The following CACNA1C variants were observed in gnomAD, a reference collection of about 807,000 sequenced individuals.
The protein encoded by CACNA1C is calcium voltage-gated channel subunit alpha1 C, also known as voltage-dependent L-type calcium channel subunit alpha-1C.
In CACNA1C, 30 loss-of-function variants were observed where a neutral mutation model predicts 229.0. The observed-to-expected ratio is 0.13, with a 90% confidence interval of 0.10 to 0.18. The LOEUF is 0.18. Ranked by LOEUF, CACNA1C falls within the 10% of genes least tolerant of loss-of-function variation. The pLI is 1.00. For missense variants in CACNA1C, 1,658 were observed against 2,845.0 expected, an observed-to-expected ratio of 0.58 and a Z score of 9.49; for synonymous variants, 1,114 against 1,132.5, an observed-to-expected ratio of 0.98 and a Z score of 0.33.
intron 29 of CACNA1C, among the ~76,000 whole-genome samples, chr12:2,628,219 C>T (rs2088144443): frequency 6.6e-6 from 1 of 152,204 alleles, no homozygotes; most frequent in Admixed American, 6.5e-5. Context: ...ACCCCTTCCA[C>T]AGCAGTCCCC....
chr12:2,463,468 A>G (rs990896312), intron 5 of CACNA1C, among the ~76,000 whole-genome samples: 12 of 152,234 alleles, frequency 7.9e-5, no homozygotes, highest in African/African-American at 2.7e-4. Flanking sequence ...AAATGATTAT[A>G]TAAATAAAAA....
In CACNA1C at chr12:2,054,958, C is replaced by T. The variant is rs560467484; in HGVS notation, c.49+1347C>T. 9.2e-5 allele frequency among the ~76,000 whole-genome samples: 14 copies of T among 152,244 alleles called. No individual in the cohort carries two copies. The highest frequency in any genetic ancestry group is 1.8e-4 in the Non-Finnish European group (12 of 68,042). Reference sequence around the variant, plus strand: ...ACCTTTTGGGGACAGGGCCTTCACTCTTTAGAGCCAGAAGCTGCCATCCAG... The same window carrying T: ...ACCTTTTGGGGACAGGGCCTTCACTTTTTAGAGCCAGAAGCTGCCATCCAG... On this transcript the variant is annotated intron_variant, in intron 1 of 46. Transcript: ENST00000399655. The surrounding 1 kb of genome is among the most constrained non-coding windows in gnomAD (Gnocchi z 5.5).
chr12:2,505,718 T>C (rs1429241051), intron 8 of CACNA1C, among the ~76,000 whole-genome samples: 1 of 152,152 alleles, frequency 6.6e-6, no homozygotes, highest in Non-Finnish European at 1.5e-5. Flanking sequence ...CTTTTCACCA[T>C]GGAAACGCAT....
chr12:2,512,777 C>T lies in CACNA1C; in HGVS notation c.1218-35C>T, dbSNP rs369947802. The T allele has an allele frequency of 1.9e-5, 30 of 1,540,372 alleles. No individual in the cohort carries two copies. Among genetic ancestry groups the T allele is most frequent in the Admixed American group, 3.7e-5 (2 of 53,846 alleles). ...TCTCGGTGCTCCCTCCTTCTCTGTG[C>T]TCTCCTGCCCTGCCCCTCCTCTCAC... is the stretch of plus-strand genomic sequence containing the variant. On this transcript the variant is annotated intron_variant, in intron 8 of 46. Coordinates refer to ENST00000399655, the MANE Select transcript of CACNA1C (RefSeq NM_000719.7). The surrounding 1 kb of genome is among the most constrained non-coding windows in gnomAD (Gnocchi z 4.3).
At chr12:2,502,545 G>A (rs1422965920) in intron 7 of CACNA1C, among the ~76,000 whole-genome samples, 4 of 152,298 alleles carry the variant, frequency 2.6e-5, no homozygotes, top group African/African-American at 9.6e-5. Flanking sequence ...GGCACACACT[G>A]GGAATCTTCT....
intron 3 of CACNA1C, among the ~76,000 whole-genome samples, chr12:2,300,463 A>G (rs1305930104): frequency 6.6e-6 from 1 of 152,034 alleles, no homozygotes; most frequent in African/African-American, 2.4e-5. Context: ...TCTACTAAAA[A>G]TAAAAAAAAA....
chr12:2,193,662 G>T (rs1459494420), intron 3 of CACNA1C, among the ~76,000 whole-genome samples: 1 of 152,200 alleles, frequency 6.6e-6, no homozygotes, highest in African/African-American at 2.4e-5. Context: ...GCTAGACTGG[G>T]CCTCTGCAGC....
chr12:2,565,704 A>G (rs1677541398), intron 11 of CACNA1C, among the ~76,000 whole-genome samples: 2 of 152,208 alleles, frequency 1.3e-5, no homozygotes, highest in Non-Finnish European at 2.9e-5. Flanking sequence ...TCTCAAGTAA[A>G]GGTGTGTGTG....
chr12:2,491,990 CTCTCTCTT>C (rs1424402127), intron 6 of CACNA1C, among the ~76,000 whole-genome samples: 5 of 151,460 alleles, frequency 3.3e-5, no homozygotes, highest in African/African-American at 9.7e-5. Flanking sequence ...CTCTCTCTCT[CTCTCTCTT>C]TGGAAGTGTA....
chr12:2,256,182 C>T (rs1040110390), intron 3 of CACNA1C, among the ~76,000 whole-genome samples: 1 of 152,048 alleles, frequency 6.6e-6, no homozygotes, highest in African/African-American at 2.4e-5. Flanking sequence ...ACTGGAGCTA[C>T]TAGATCAGAC....
intron 30 of CACNA1C, among the ~76,000 whole-genome samples, chr12:2,640,086 G>A (rs1027462166): frequency 8.5e-5 from 13 of 152,200 alleles, no homozygotes; most frequent in East Asian, 3.9e-4. Context: ...GACCTGATGA[G>A]CACGGATCAG....
At chr12:2,109,773 G>C (rs2080897306) in intron 1 of CACNA1C, among the ~76,000 whole-genome samples, 1 of 152,156 alleles carries the variant, frequency 6.6e-6, no homozygotes. Flanking sequence ...GATAGGTAGT[G>C]GCCTGGACTA....
At chr12:1,975,940 C>T (rs2034208804) in intron 1 of CACNA1C, among the ~76,000 whole-genome samples, 1 of 152,158 alleles carries the variant, frequency 6.6e-6, no homozygotes, top group Non-Finnish European at 1.5e-5. Flanking sequence ...GGGTTGTTTA[C>T]TCACACTGTG....
chr12:2,321,081 T>C (rs2154494993), intron 3 of CACNA1C, among the ~76,000 whole-genome samples: 1 of 152,328 alleles, frequency 6.6e-6, no homozygotes, highest in African/African-American at 2.4e-5. Context: ...TAAAGGTGTG[T>C]GAGGCACAGC....
intron 1 of CACNA1C, among the ~76,000 whole-genome samples, chr12:2,093,546 T>C (rs2072372048): frequency 6.6e-6 from 1 of 152,226 alleles, no homozygotes; most frequent in South Asian, 2.1e-4. Context: ...TTCGTACCTG[T>C]ACTCGTGTAC....
intron 3 of CACNA1C, among the ~76,000 whole-genome samples, chr12:2,401,191 C>T (rs1480709927): frequency 1.3e-5 from 2 of 152,168 alleles, no homozygotes; most frequent in East Asian, 3.9e-4. Context: ...GTCTCCAGTC[C>T]TTGTTGGTGT....
chr12:2,162,686 A>T lies in CACNA1C; in HGVS notation c.477+42256A>T, dbSNP rs185621012. ...GCCTGGGGGAGAAATTGCCTTCCTGACAAGAAGAGTTGGAGATGATGAATA... is the reference window on the plus strand; with the variant it reads ...GCCTGGGGGAGAAATTGCCTTCCTGTCAAGAAGAGTTGGAGATGATGAATA... On this transcript the variant is annotated intron_variant, in intron 3 of 46. Transcript: ENST00000399655. Among the ~76,000 whole-genome samples the T allele has an allele frequency of 3.3e-5, 5 of 152,168 alleles. No individual in the cohort carries two copies. The East Asian group carries it at 5.8e-4, about 18-fold the overall frequency.
At chr12:2,192,129 C>CTG (rs1566276191) in intron 3 of CACNA1C, among the ~76,000 whole-genome samples, 3 of 152,166 alleles carry the variant, frequency 2.0e-5, no homozygotes, top group African/African-American at 7.2e-5. Context: ...CCCTCCCTCT[C>CTG]ACGGTTTTTG....
chr12:2,495,137 T>C (rs1474729846), intron 7 of CACNA1C, among the ~76,000 whole-genome samples: 1 of 152,240 alleles, frequency 6.6e-6, no homozygotes, highest in Non-Finnish European at 1.5e-5. Flanking sequence ...AGATTCATGC[T>C]CAATAAGACC....
Sources: gnomAD v4.1 joint callset for allele counts (sites outside exome capture counted in the v4.1 genomes callset) on GRCh38, gnomAD v4.1.1 for gene constraint, Gnocchi (gnomAD v3.1) non-coding constraint, MANE v1.5 for transcripts, NCBI Gene and HGNC (gene_info 2026-07-23, HGNC 2026-07-21) for gene names.